Variants in RABGAP1L observed in about 807,000 individuals in gnomAD.
The protein encoded by RABGAP1L is rab GTPase-activating protein 1-like.
In RABGAP1L, 63 loss-of-function variants were observed where a neutral mutation model predicts 137.7. The observed-to-expected ratio is 0.46, with a 90% CI of 0.37 to 0.56. The LOEUF (loss-of-function observed/expected upper bound fraction) is 0.56, where lower values mean the gene tolerates loss of function less well. RABGAP1L is among the 20% of genes least tolerant of loss of function. The pLI, the probability that RABGAP1L is intolerant of heterozygous loss-of-function variation, is 0.00. For missense variants in RABGAP1L, 1,095 were observed against 1,244.0 expected (o/e 0.88, Z 1.80); for synonymous variants, 431 against 433.7 (o/e 0.99, Z 0.08).
intron 13 of RABGAP1L, among the ~76,000 whole-genome samples, chr1:174,562,941 C>T (rs1667321508): frequency 6.6e-6 from 1 of 152,002 alleles, no homozygotes; most frequent in Non-Finnish European, 1.5e-5. Context: ...CACTATGGCA[C>T]GTGTATACCT....
At chr1:174,402,857 G>A (rs904000585) in intron 13 of RABGAP1L, among the ~76,000 whole-genome samples, 1 of 152,114 alleles carries the variant, frequency 6.6e-6, no homozygotes, top group Admixed American at 6.6e-5. Flanking sequence ...CATATTCTTA[G>A]CCATTTGAAA....
At chr1:174,393,140 G>C (rs1173703567) in intron 12 of RABGAP1L, among the ~76,000 whole-genome samples, 1 of 152,102 alleles carries the variant, frequency 6.6e-6, no homozygotes. Flanking sequence ...GCACACCTTT[G>C]GGATGTGGTA....
intron 13 of RABGAP1L, among the ~76,000 whole-genome samples, chr1:174,617,396 A>T (rs1671988271): frequency 6.6e-6 from 1 of 152,220 alleles, no homozygotes; most frequent in Non-Finnish European, 1.5e-5. Flanking sequence ...GTAAAACAAA[A>T]AATGCTCCAT....
At chr1:174,314,717 T>G (rs1314904773) in intron 11 of RABGAP1L, among the ~76,000 whole-genome samples, 3 of 152,200 alleles carry the variant, frequency 2.0e-5, no homozygotes, top group Admixed American at 1.3e-4. Context: ...CACGAAATTT[T>G]TCAATTTCCT....
At chr1:174,720,249 GTAGA>G (rs370669512) in intron 17 of RABGAP1L, among the ~76,000 whole-genome samples, 14,709 of 143,626 alleles carry the variant, frequency 0.1, 806 homozygotes, top group East Asian at 0.13. Context: ...CTAGCTAGAT[GTAGA>G]TAGATAGATA....
intron 19 of RABGAP1L, among the ~76,000 whole-genome samples, chr1:174,863,546 G>T (rs959474071): frequency 6.6e-6 from 1 of 151,710 alleles, no homozygotes; most frequent in East Asian, 2.0e-4. Context: ...GGTGGCGGAC[G>T]CCTGTAGTCC....
At chr1:174,224,718 T>G (rs1455935774) in intron 3 of RABGAP1L, among the ~76,000 whole-genome samples, 1 of 152,180 alleles carries the variant, frequency 6.6e-6, no homozygotes, top group Non-Finnish European at 1.5e-5. Context: ...CCTACCAGTC[T>G]AATAATTTTG....
At chr1:174,519,424 C>T (rs1204261268) in intron 13 of RABGAP1L, among the ~76,000 whole-genome samples, 1 of 151,984 alleles carries the variant, frequency 6.6e-6, no homozygotes, top group Non-Finnish European at 1.5e-5. Flanking sequence ...CTAGGCCAGT[C>T]TCACCGTTTT....
chr1:174,355,819 A>G (rs923136084), intron 11 of RABGAP1L, among the ~76,000 whole-genome samples: 3 of 152,148 alleles, frequency 2.0e-5, no homozygotes, highest in Admixed American at 2.0e-4. Flanking sequence ...GACAGTGATG[A>G]TGCTTAAGTT....
chr1:174,656,258 A>G (rs1311383365), intron 14 of RABGAP1L, among the ~76,000 whole-genome samples: 2 of 152,156 alleles, frequency 1.3e-5, no homozygotes, highest in African/African-American at 2.4e-5. Flanking sequence ...GGAGTTCGAG[A>G]CCAGCCTGTT....
intron 17 of RABGAP1L, chr1:174,705,393 T>A (rs1679974383): frequency 6.6e-6 from 1 of 152,158 alleles, no homozygotes; most frequent in Admixed American, 6.5e-5. Context: ...AAAAGATAAA[T>A]AAATTTATTA....
intron 13 of RABGAP1L, among the ~76,000 whole-genome samples, chr1:174,416,187 T>A (rs1034322466): frequency 2.0e-5 from 3 of 151,940 alleles, no homozygotes; most frequent in African/African-American, 7.3e-5. Flanking sequence ...TATGCTTAAC[T>A]ATTACTATGA....
chr1:174,385,209 G>C lies in RABGAP1L; in HGVS notation c.1560-8786G>C, dbSNP rs117933001. ...GGTAGCAGAGGGTGACATGTGATCG[G>C]ATTCTGGATATATTTTAAGAGAGTA... On this transcript the variant is annotated intron_variant, in intron 12 of 25. Coordinates refer to ENST00000681986, the MANE Select transcript of RABGAP1L (RefSeq NM_001366446.1). 3.3e-4 allele frequency among the ~76,000 whole-genome samples: 50 copies of C among 152,298 alleles called. No homozygotes were observed. The East Asian group carries it at 8.5e-3, about 26-fold the overall frequency.
chr1:174,265,467 A>G (rs1673980547), intron 7 of RABGAP1L, among the ~76,000 whole-genome samples: 1 of 151,584 alleles, frequency 6.6e-6, no homozygotes, highest in Non-Finnish European at 1.5e-5. Context: ...GGATGGCTTG[A>G]ATCAGGAAGT....
chr1:174,455,612 A>G (rs1402063429), intron 13 of RABGAP1L, among the ~76,000 whole-genome samples: 1 of 152,144 alleles, frequency 6.6e-6, no homozygotes, highest in Non-Finnish European at 1.5e-5. Flanking sequence ...TTATGTTCTT[A>G]ATAGAGTTCT....
chr1:174,952,876 C>T (rs1667931315), intron 19 of RABGAP1L, among the ~76,000 whole-genome samples: 1 of 151,928 alleles, frequency 6.6e-6, no homozygotes, highest in Non-Finnish European at 1.5e-5. Flanking sequence ...AGGCATGAGC[C>T]ACCACACCTG....
intron 19 of RABGAP1L, among the ~76,000 whole-genome samples, chr1:174,925,354 CAAAA>C (rs545791515): frequency 9.7e-4 from 53 of 54,768 alleles, no homozygotes; most frequent in Admixed American, 1.7e-3. Context: ...GACTCCGTCT[CAAAA>C]AAAAAAAAAA....
At chr1:174,675,564 C>T (rs566101850) in intron 14 of RABGAP1L, among the ~76,000 whole-genome samples, 3,192 of 151,452 alleles carry the variant, frequency 0.021, 52 homozygotes, top group Middle Eastern at 0.085. Flanking sequence ...ATTGACTTGG[C>T]GATGCGGGCT....
At chr1:174,909,246 G>A (rs1470661018) in intron 19 of RABGAP1L, among the ~76,000 whole-genome samples, 1 of 151,148 alleles carries the variant, frequency 6.6e-6, no homozygotes, top group Non-Finnish European at 1.5e-5. Context: ...GTTTTTGAGA[G>A]AAGGTCTTAC....
Sources: allele counts gnomAD v4.1 joint callset (sites outside exome capture counted in the v4.1 genomes callset), GRCh38; gene constraint gnomAD v4.1.1; transcripts MANE v1.5; gene names NCBI Gene and HGNC (gene_info 2026-07-23, HGNC 2026-07-21).